Variants in DOCK7 observed in about 807,000 individuals in gnomAD.
DOCK7 encodes dedicator of cytokinesis protein 7.
Under a neutral mutation model 271.0 loss-of-function variants are expected in DOCK7, and 138 were observed. The observed-to-expected ratio is 0.51, with a 90% CI of 0.44 to 0.59. The LOEUF is 0.59. DOCK7 is among the 20% of genes least tolerant of loss of function. The pLI is 0.00. For missense variants in DOCK7, 2,066 were observed against 2,592.4 expected (o/e 0.80, Z 4.41); for synonymous variants, 823 against 876.1 (o/e 0.94, Z 1.07).
At chr1:62,632,111 CTT>C (rs777178320) in intron 10 of DOCK7, among the ~76,000 whole-genome samples, 7 of 152,150 alleles carry the variant, frequency 4.6e-5, no homozygotes, top group Non-Finnish European at 7.4e-5. Flanking sequence ...CTCATATACT[CTT>C]TGCAGATGGG....
intron 48 of DOCK7, among the ~76,000 whole-genome samples, chr1:62,464,013 C>T (rs983312277): frequency 6.6e-6 from 1 of 152,084 alleles, no homozygotes; most frequent in Non-Finnish European, 1.5e-5. Flanking sequence ...AACCCCAAAA[C>T]AAAAAGTAAA....
At chr1:62,569,422 G>C (rs1420641179) in intron 18 of DOCK7, among the ~76,000 whole-genome samples, 1 of 151,782 alleles carries the variant, frequency 6.6e-6, no homozygotes, top group Admixed American at 6.6e-5. Context: ...GAGATGCAAG[G>C]CTGGTTCAAC....
intron 1 of DOCK7, among the ~76,000 whole-genome samples, chr1:62,686,529 C>A (rs1449334885): frequency 6.6e-5 from 10 of 152,120 alleles, no homozygotes; most frequent in Middle Eastern, 3.4e-3. Flanking sequence ...AGAAGTAAGA[C>A]CTAATTATTT....
At chr1:62,599,663 C>CAGT in intron 14 of DOCK7, among the ~76,000 whole-genome samples, 1 of 152,006 alleles carries the variant, frequency 6.6e-6, no homozygotes, top group African/African-American at 2.4e-5. Flanking sequence ...GTATGGCACA[C>CAGT]AGTAGGCATT....
Position 62,636,594 on chromosome 1 carries a change from A to T in DOCK7, c.828T>A (p.Ile276=). 2.5e-6 allele frequency: 4 copies of T among 1,599,710 alleles called. No homozygotes were observed. Among genetic ancestry groups the T allele is most frequent in the Non-Finnish European group, 3.4e-6 (4 of 1,170,636 alleles). Residue 276 remains isoleucine (I), a synonymous_variant, in exon 8 of 50, where the codon ATT becomes ATA. Transcript: ENST00000635253. ...AACTTGCAAAAATGGGTTCAATTTC[A>T]ATTTCAAACCTTTATGAAGAAAAAG... The part of the protein sequence containing the change: ...LVKCLSLKFE[I]EIEPIFASLA...
intron 41 of DOCK7, among the ~76,000 whole-genome samples, chr1:62,491,548 G>C (rs1024715869): frequency 8.5e-5 from 13 of 152,218 alleles, no homozygotes; most frequent in African/African-American, 2.9e-4. Context: ...GTTATAGCAT[G>C]ACAGCATAGT....
At chr1:62,528,598 A>G (rs1286933821) in intron 30 of DOCK7, among the ~76,000 whole-genome samples, 1 of 152,222 alleles carries the variant, frequency 6.6e-6, no homozygotes, top group East Asian at 1.9e-4. Flanking sequence ...ACTGCTCAAC[A>G]ATCAGTCTCT....
chr1:62,638,172 T>A (rs1441708959), intron 7 of DOCK7: 2 of 152,208 alleles, frequency 1.3e-5, no homozygotes, highest in Non-Finnish European at 2.9e-5. Context: ...TTTGACTCTT[T>A]CCTCATGAAT....
chr1:62,489,751 T>C (rs1646404835), intron 41 of DOCK7, among the ~76,000 whole-genome samples: 4 of 152,192 alleles, frequency 2.6e-5, no homozygotes, highest in African/African-American at 9.7e-5. Flanking sequence ...TATAATCTTT[T>C]GCAAAAACTA....
chr1:62,572,344 T>A (rs894682563), intron 18 of DOCK7, among the ~76,000 whole-genome samples: 3 of 152,240 alleles, frequency 2.0e-5, no homozygotes, highest in Admixed American at 6.5e-5. Context: ...TCCAAGTGCC[T>A]GGCACTATTC....
intron 13 of DOCK7, among the ~76,000 whole-genome samples, chr1:62,619,360 T>C (rs965957663): frequency 2.6e-5 from 4 of 152,192 alleles, no homozygotes; most frequent in African/African-American, 9.6e-5. Flanking sequence ...AGTATAGTAA[T>C]TCCTTCCATC....
intron 18 of DOCK7, among the ~76,000 whole-genome samples, chr1:62,568,692 A>AC (rs1557730777): frequency 8.7e-5 from 13 of 148,988 alleles, no homozygotes; most frequent in African/African-American, 3.2e-4. Flanking sequence ...ACCACCACCA[A>AC]CAACAACAAA....
intron 37 of DOCK7, among the ~76,000 whole-genome samples, chr1:62,498,243 G>C (rs1168034): frequency 0.57 from 87,260 of 151,846 alleles, 26,777 homozygotes; most frequent in East Asian, 0.76. Flanking sequence ...TTTAAAAAAA[G>C]TGCTAAAAAA....
chr1:62,526,100 C>A (rs974753424), intron 31 of DOCK7, among the ~76,000 whole-genome samples: 1 of 152,070 alleles, frequency 6.6e-6, no homozygotes, highest in Admixed American at 6.6e-5. Context: ...CCACCACGCC[C>A]GGCTATTTTT....
chr1:62,622,748 G>A (rs964885370), intron 12 of DOCK7, among the ~76,000 whole-genome samples: 2 of 152,028 alleles, frequency 1.3e-5, no homozygotes, highest in African/African-American at 2.4e-5. Flanking sequence ...GGCCAACACG[G>A]TGAAACCCTG....
intron 2 of DOCK7, among the ~76,000 whole-genome samples, chr1:62,657,800 G>C (rs1466493719): frequency 1.3e-5 from 2 of 151,518 alleles, no homozygotes; most frequent in African/African-American, 4.8e-5. Flanking sequence ...GGACAGAGGA[G>C]GTAAAAATCA....
At chr1:62,487,984 G>C (rs1646346764) in intron 42 of DOCK7, 7 of 152,308 alleles carry the variant, frequency 4.6e-5, no homozygotes, top group Admixed American at 3.9e-4. Context: ...ATAAAATCCT[G>C]ACTTAACAGG....
intron 1 of DOCK7, among the ~76,000 whole-genome samples, chr1:62,663,998 T>C (rs1415787170): frequency 6.6e-6 from 1 of 152,212 alleles, no homozygotes; most frequent in Non-Finnish European, 1.5e-5. Flanking sequence ...AATGAAGTAT[T>C]ATTCAATGAT....
chr1:62,585,035 A>G (rs1647331085), intron 15 of DOCK7, among the ~76,000 whole-genome samples: 1 of 152,206 alleles, frequency 6.6e-6, no homozygotes, highest in Admixed American at 6.5e-5. Context: ...ACAATCTAGT[A>G]TCTTTTCATC....
Sources: allele counts gnomAD v4.1 joint callset (sites outside exome capture counted in the v4.1 genomes callset), GRCh38; gene constraint gnomAD v4.1.1; transcripts MANE v1.5; gene names NCBI Gene and HGNC (gene_info 2026-07-23, HGNC 2026-07-21).